Variants in CNGB1 observed in about 807,000 individuals in gnomAD.
The protein encoded by CNGB1 is cyclic nucleotide-gated channel beta-1.
Under a neutral mutation model 151.7 loss-of-function variants are expected in CNGB1, and 126 were observed. That is an observed-to-expected ratio of 0.83 (90% CI 0.72 to 0.96). The LOEUF is 0.96. Among genes scored for constraint, CNGB1 ranks in the 40% least tolerant of loss-of-function variants. The pLI, the probability that CNGB1 is intolerant of heterozygous loss-of-function variation, is 0.00. For missense variants in CNGB1, 1,698 were observed against 1,627.0 expected, an observed-to-expected ratio of 1.04 and a Z score of -0.75; for synonymous variants, 623 against 635.1, an observed-to-expected ratio of 0.98 and a Z score of 0.29.
intron 32 of CNGB1, among the ~76,000 whole-genome samples, chr16:57,887,065 T>C (rs1959951410): frequency 6.6e-6 from 1 of 152,106 alleles, no homozygotes; most frequent in South Asian, 2.1e-4. Flanking sequence ...AAGAAAAAAT[T>C]TGTAGAGACA....
chr16:57,905,238 A>C (rs1158317184), intron 25 of CNGB1, among the ~76,000 whole-genome samples: 1 of 152,170 alleles, frequency 6.6e-6, no homozygotes, highest in Non-Finnish European at 1.5e-5. Flanking sequence ...TTCAATTTTC[A>C]GTCTTTTCAT....
chr16:57,882,861 T>C lies in CNGB1; in HGVS notation c.*1303A>G, dbSNP rs1959795503. 6.6e-6 allele frequency: 1 copy of C among 151,006 alleles called. No individual in the cohort carries two copies. The highest frequency in any genetic ancestry group is 1.5e-5 in the Non-Finnish European group (1 of 67,888). The allele number at this position is 151,006 out of a possible 1,614,324, so 9.4% of individuals were successfully genotyped here. A position where few individuals can be genotyped will look rare whatever the true frequency, so the allele number is the denominator to read the frequency against. On this transcript the variant is annotated 3_prime_UTR_variant, in exon 33 of 33. Transcript: ENST00000251102. Reference sequence around the variant, plus strand: ...ACACGATCTGGAAAGCTTTAGGGAATGTAAGTGCTGTCATCAGCTGGGAGA... The same window carrying C: ...ACACGATCTGGAAAGCTTTAGGGAACGTAAGTGCTGTCATCAGCTGGGAGA...
Position 57,909,520 on chromosome 16 carries a change from C to T in CNGB1, c.2492+2233G>A, listed in dbSNP as rs1280347635. ...TCTCCTGCTTCAGCCTCCCAAGTAG[C>T]TGGGATTACAGGCGTGCATCACCAC... On this transcript the variant is annotated intron_variant, in intron 25 of 32. Transcript: ENST00000251102. Among the ~76,000 whole-genome samples, 7 of 152,136 alleles carry T rather than the reference C, an allele frequency of 4.6e-5. 1 individual carries two copies. In the South Asian group the frequency reaches 1.5e-3, roughly 32 times the overall value.
At chr16:57,921,125 CTT>C (rs112809722) in intron 18 of CNGB1, among the ~76,000 whole-genome samples, 1 of 142,604 alleles carries the variant, frequency 7.0e-6, no homozygotes. Flanking sequence ...TCTTTTTTAT[CTT>C]TTTTTTTTTC....
chr16:57,934,068 T>C (rs1192254025), intron 16 of CNGB1, among the ~76,000 whole-genome samples: 1 of 151,996 alleles, frequency 6.6e-6, no homozygotes, highest in Non-Finnish European at 1.5e-5. Flanking sequence ...AAGCCGGCAC[T>C]CTGTTAAATT....
In CNGB1 at chr16:57,883,994, G is replaced by C. The variant is rs931662996; in HGVS notation, c.*170C>G. 8 of 884,976 alleles carry C rather than the reference G, an allele frequency of 9.0e-6. No homozygotes were observed. Among genetic ancestry groups the C allele is most frequent in the Admixed American group, 9.0e-5 (4 of 44,548 alleles). 54.8% of individuals were successfully genotyped at this position (884,976 alleles called of 1,614,324 possible). ...GCCCAGCCCCGCGAGGAGCTGAGTC[G>C]GGGCTGGCGTGCTGGCGGGACGGTC... On this transcript the variant is annotated 3_prime_UTR_variant, in exon 33 of 33. Coordinates refer to ENST00000251102, the MANE Select transcript of CNGB1 (RefSeq NM_001297.5).
intron 25 of CNGB1, among the ~76,000 whole-genome samples, chr16:57,908,960 AGC>A (rs1960633607): frequency 6.6e-6 from 1 of 152,170 alleles, no homozygotes; most frequent in Admixed American, 6.5e-5. Flanking sequence ...AGGGCAGGGG[AGC>A]GAGTGTCGCC....
At chr16:57,887,811 A>C in intron 32 of CNGB1, 44 bp downstream of exon 32, 1 of 1,590,320 alleles carries the variant, frequency 6.3e-7, no homozygotes. Flanking sequence ...TCTCCCTGAC[A>C]CATATTGAAA....
intron 2 of CNGB1, among the ~76,000 whole-genome samples, chr16:57,965,988 C>G (rs770713047): frequency 3.0e-4 from 46 of 152,174 alleles, no homozygotes; most frequent in Admixed American, 1.6e-3. Flanking sequence ...TACGCACACC[C>G]TATACCTGTT....
chr16:57,919,038 C>T (rs1350946172), intron 20 of CNGB1, 61 bp downstream of exon 20: 17 of 1,612,110 alleles, frequency 1.1e-5, no homozygotes, highest in South Asian at 2.2e-5. Flanking sequence ...CTCCCCATCC[C>T]GCTCCAACTC....
intron 25 of CNGB1, among the ~76,000 whole-genome samples, chr16:57,905,530 T>C (rs1371559867): frequency 6.6e-6 from 1 of 152,240 alleles, no homozygotes; most frequent in African/African-American, 2.4e-5. Flanking sequence ...GGTGTCCTAC[T>C]GTGTGGTAAA....
intron 27 of CNGB1, among the ~76,000 whole-genome samples, chr16:57,903,564 G>A (rs1476664576): frequency 6.6e-6 from 1 of 152,180 alleles, no homozygotes; most frequent in Non-Finnish European, 1.5e-5. Context: ...ATTTCAAGGT[G>A]GGTAAAGTGA....
intron 32 of CNGB1, 60 bp downstream of exon 32, chr16:57,887,795 T>C: frequency 2.0e-6 from 3 of 1,522,112 alleles, no homozygotes; most frequent in Non-Finnish European, 1.8e-6. Context: ...GGAGACCCCT[T>C]GGCCTTCTCC....
At chr16:57,953,506 A>AG (rs1233682765) in intron 12 of CNGB1, among the ~76,000 whole-genome samples, 1 of 151,312 alleles carries the variant, frequency 6.6e-6, no homozygotes, top group Non-Finnish European at 1.5e-5. Context: ...AAAAAAAAAA[A>AG]AAAAAAGAAA....
intron 12 of CNGB1, 77 bp from the exon 13 acceptor site, chr16:57,950,617 G>A (rs1180220907): frequency 2.0e-6 from 3 of 1,513,098 alleles, no homozygotes; most frequent in African/African-American, 1.4e-5. Flanking sequence ...CAGGGAGCCT[G>A]CAGGGAGCCC....
In CNGB1 at chr16:57,939,585, C is replaced by T. The variant is rs201286463; in HGVS notation, c.1217G>A (p.Trp406Ter). The change falls in exon 16 of 33, where the codon TGG becomes TAG. Residue 406 changes from tryptophan (W) to a stop codon, truncating the protein, a stop_gained. Coordinates refer to ENST00000251102, the MANE Select transcript of CNGB1 (RefSeq NM_001297.5). LOFTEE classifies it high-confidence loss of function. ...CTTGGCCTCCTCCCCAACTTCCTCC[C>T]ACAGCTTCTGCAGAGAATAAAGTGA... ...RPQSTSDQKL[W>*]EEVGEEAKKE... The T allele has an allele frequency of 8.7e-6, 14 of 1,614,084 alleles. No homozygotes were observed. In the African/African-American group the frequency reaches 1.3e-4, roughly 15 times the overall value.
At chr16:57,910,040 A>G (rs1358128293) in intron 25 of CNGB1, among the ~76,000 whole-genome samples, 1 of 152,230 alleles carries the variant, frequency 6.6e-6, no homozygotes, top group Non-Finnish European at 1.5e-5. Context: ...CACCATCACC[A>G]CCATTGTAAA....
chr16:57,967,004 C>T (rs1962415144), intron 2 of CNGB1, 124 bp downstream of exon 2: 3 of 1,373,166 alleles, frequency 2.2e-6, no homozygotes, highest in Middle Eastern at 2.4e-4. Context: ...ACCCTGTGAC[C>T]CCCACTTTTC....
At chr16:57,908,967 G>A (rs1361305563) in intron 25 of CNGB1, among the ~76,000 whole-genome samples, 1 of 152,190 alleles carries the variant, frequency 6.6e-6, no homozygotes, top group Non-Finnish European at 1.5e-5. Context: ...GGGAGCGAGT[G>A]TCGCCTTCAA....
Sources: gnomAD v4.1 joint callset for allele counts (sites outside exome capture counted in the v4.1 genomes callset) on GRCh38, gnomAD v4.1.1 for gene constraint, MANE v1.5 for transcripts, NCBI Gene and HGNC (gene_info 2026-07-23, HGNC 2026-07-21) for gene names.